Variants in EDARADD observed in about 807,000 individuals in gnomAD.
The protein encoded by EDARADD is EDAR associated via death domain.
EDARADD carries 20 observed loss-of-function variants against 25.6 expected under a neutral mutation model. The ratio of observed to expected loss-of-function variants is 0.78; its 90% CI spans 0.55 to 1.14. EDARADD has a LOEUF of 1.14. Ranked by LOEUF, EDARADD falls within the 50% of genes most tolerant of loss-of-function variation. The pLI is 0.00. For missense variants in EDARADD, 225 were observed against 270.1 expected (o/e 0.83, Z 1.17); for synonymous variants, 86 against 94.4 (o/e 0.91, Z 0.52).
chr1:236,429,411 T>A (rs1478677865), intron 4 of EDARADD, among the ~76,000 whole-genome samples: 3 of 150,742 alleles, frequency 2.0e-5, no homozygotes, highest in Non-Finnish European at 3.0e-5. Context: ...AGAGTCTCGC[T>A]CTGTCACCCA....
At chr1:236,421,807 A>G (rs1393520484) in intron 3 of EDARADD, among the ~76,000 whole-genome samples, 1 of 152,092 alleles carries the variant, frequency 6.6e-6, no homozygotes, top group Non-Finnish European at 1.5e-5. Flanking sequence ...CAGTTCTACC[A>G]ATGTCAAGGC....
At chr1:236,350,892 T>A (rs1213294304) in intron 3 of EDARADD, 6 of 152,198 alleles carry the variant, frequency 3.9e-5, no homozygotes, top group Non-Finnish European at 7.3e-5. Context: ...GTTCCTGGAA[T>A]TTGTGATACA....
At chr1:236,355,500 C>CT (rs563976436) in intron 3 of EDARADD, among the ~76,000 whole-genome samples, 29,844 of 73,036 alleles carry the variant, frequency 0.41, 9,856 homozygotes, top group Non-Finnish European at 0.53. Flanking sequence ...GCTTCTTCTT[C>CT]TTTTTTTTTT....
chr1:236,452,684 T>C (rs1658746439), intron 4 of EDARADD, among the ~76,000 whole-genome samples: 1 of 152,152 alleles, frequency 6.6e-6, no homozygotes, highest in Non-Finnish European at 1.5e-5. Context: ...AATGGACTAA[T>C]ACACTTCTAT....
At chr1:236,468,789 C>T (rs1339986138) in intron 5 of EDARADD, among the ~76,000 whole-genome samples, 1 of 152,176 alleles carries the variant, frequency 6.6e-6, no homozygotes, top group East Asian at 1.9e-4. Context: ...CACTAACCTT[C>T]CTTTGCATGT....
chr1:236,358,880 A>T (rs535095978), intron 3 of EDARADD, among the ~76,000 whole-genome samples: 86 of 152,280 alleles, frequency 5.6e-4, no homozygotes, highest in African/African-American at 2.0e-3. Flanking sequence ...GTAGATATCT[A>T]TCAGGTCCAC....
chr1:236,368,953 A>G (rs1486330121), intron 3 of EDARADD, among the ~76,000 whole-genome samples: 1 of 152,054 alleles, frequency 6.6e-6, no homozygotes, highest in African/African-American at 2.4e-5. Context: ...GAGGTAAGGA[A>G]TATGCCTTTT....
At chr1:236,443,970 T>G (rs1158049210) in intron 4 of EDARADD, among the ~76,000 whole-genome samples, 1 of 152,134 alleles carries the variant, frequency 6.6e-6, no homozygotes, top group Non-Finnish European at 1.5e-5. Flanking sequence ...TTAAAGAAAT[T>G]GCCATTTCCA....
intron 5 of EDARADD, among the ~76,000 whole-genome samples, chr1:236,478,164 T>C (rs193178444): frequency 2.7e-4 from 41 of 152,184 alleles, no homozygotes; most frequent in African/African-American, 9.2e-4. Flanking sequence ...GCTTTCTTTC[T>C]GGAGAGCAAT....
intron 4 of EDARADD, among the ~76,000 whole-genome samples, chr1:236,434,470 C>T (rs1486927801): frequency 6.6e-6 from 1 of 152,158 alleles, no homozygotes; most frequent in African/African-American, 2.4e-5. Context: ...GAACTCCTGA[C>T]CTCAAGCGAT....
chr1:236,414,241 C>T lies in EDARADD; in HGVS notation c.121-19C>T, dbSNP rs12064562. On this transcript the variant is annotated intron_variant, in intron 2 of 5. Transcript: ENST00000334232. ...CATGGCATTTAAAAATAATTCTCCT[C>T]TTTTGTTGGTTTCTACAGTCAGACA... 3,844 of 1,603,718 alleles carry T rather than the reference C, an allele frequency of 2.4e-3. 71 individuals are homozygous for T. The African/African-American group carries it at 0.042, about 17-fold the overall frequency.
chr1:236,405,878 T>TTCCTTCCTTCCTTCC (rs1558112846), intron 1 of EDARADD, among the ~76,000 whole-genome samples: 1 of 29,900 alleles, frequency 3.3e-5, no homozygotes, highest in African/African-American at 1.2e-4. Flanking sequence ...TCCTTCCTTC[T>TTCCTTCCTTCCTTCC]TTCTTTCTTT....
intron 5 of EDARADD, among the ~76,000 whole-genome samples, chr1:236,480,966 T>TC (rs1659655255): frequency 6.6e-6 from 1 of 152,108 alleles, no homozygotes; most frequent in Admixed American, 6.6e-5. Flanking sequence ...CCTCTTTCCC[T>TC]CCCACTGCAC....
At chr1:236,375,598 A>G (rs1373376334) in intron 3 of EDARADD, among the ~76,000 whole-genome samples, 2 of 137,650 alleles carry the variant, frequency 1.5e-5, no homozygotes, top group African/African-American at 2.8e-5. Flanking sequence ...GGAGGTTGAA[A>G]TTTGCTGAGA....
intron 3 of EDARADD, among the ~76,000 whole-genome samples, chr1:236,374,522 T>C (rs1667204632): frequency 6.6e-6 from 1 of 152,124 alleles, no homozygotes; most frequent in East Asian, 1.9e-4. Flanking sequence ...CCAACCACAA[T>C]AGTAGATTCA....
chr1:236,415,286 G>C (rs1323372570), intron 3 of EDARADD, among the ~76,000 whole-genome samples: 1 of 152,126 alleles, frequency 6.6e-6, no homozygotes, highest in Non-Finnish European at 1.5e-5. Context: ...CTAGACAAAG[G>C]GGTGAGGGAT....
chr1:236,451,899 C>G (rs1281441535), intron 4 of EDARADD, among the ~76,000 whole-genome samples: 1 of 152,174 alleles, frequency 6.6e-6, no homozygotes, highest in African/African-American at 2.4e-5. Context: ...CCCCAGCAGC[C>G]AACCCCAGCT....
intron 3 of EDARADD, among the ~76,000 whole-genome samples, chr1:236,385,805 C>A (rs866686721): frequency 1.8e-3 from 13 of 7,058 alleles, no homozygotes; most frequent in Admixed American, 3.4e-3. Context: ...TGAAAGTTAG[C>A]TCTCTCCCTC....
Position 236,395,916 on chromosome 1 carries a change from C to T in EDARADD, c.61+1411C>T, listed in dbSNP as rs1283073635. Among the ~76,000 whole-genome samples the T allele has an allele frequency of 6.6e-6, 1 of 152,208 alleles. No homozygotes were observed. Among genetic ancestry groups the T allele is most frequent in the Non-Finnish European group, 1.5e-5 (1 of 68,042 alleles). Reference sequence around the variant, plus strand: ...CCGCGTCAGCCACCGCGCGCCTTCCCCCTGCCCATGCCGCAGCCCCCGTGG... The same window carrying T: ...CCGCGTCAGCCACCGCGCGCCTTCCTCCTGCCCATGCCGCAGCCCCCGTGG... On this transcript the variant is annotated intron_variant, in intron 1 of 5. Coordinates refer to ENST00000334232, the MANE Select transcript of EDARADD (RefSeq NM_145861.4). This position sits in a 1 kb window ranked among gnomAD's most constrained non-coding sequence, Gnocchi z 6.9.
Sources: gnomAD v4.1 joint callset for allele counts (sites outside exome capture counted in the v4.1 genomes callset) on GRCh38, gnomAD v4.1.1 for gene constraint, Gnocchi (gnomAD v3.1) non-coding constraint, MANE v1.5 for transcripts, NCBI Gene and HGNC (gene_info 2026-07-23, HGNC 2026-07-21) for gene names.